Variants in CDS1 observed in about 807,000 individuals in gnomAD.
CDS1 encodes phosphatidate cytidylyltransferase 1.
A neutral mutation model predicts 62.1 loss-of-function variants in CDS1; 41 were observed. The ratio of observed to expected loss-of-function variants is 0.66; its 90% CI spans 0.51 to 0.86. The LOEUF is 0.86. Among genes scored for constraint, CDS1 ranks in the 40% least tolerant of loss-of-function variants. CDS1 has a pLI of 0.00. For synonymous variants in CDS1, 185 were observed against 192.6 expected (o/e 0.96, Z 0.32); for missense variants, 470 against 550.1 (o/e 0.85, Z 1.46).
At chr4:84,583,965 G>T (rs1210475150) in intron 1 of CDS1, among the ~76,000 whole-genome samples, 3 of 152,142 alleles carry the variant, frequency 2.0e-5, no homozygotes, top group African/African-American at 7.2e-5. Context: ...GGATCCTGAC[G>T]CGGGAGGCTT....
chr4:84,593,516 T>TC (rs1722655804), intron 1 of CDS1, among the ~76,000 whole-genome samples: 1 of 151,778 alleles, frequency 6.6e-6, no homozygotes, highest in Non-Finnish European at 1.5e-5. Flanking sequence ...GTTTTTTTTT[T>TC]CTCGTTTAGA....
intron 1 of CDS1, among the ~76,000 whole-genome samples, 170 bp from the exon 2 acceptor site, chr4:84,604,073 T>C (rs546843350): frequency 6.6e-6 from 1 of 152,354 alleles, no homozygotes; most frequent in South Asian, 2.1e-4. Context: ...ATAGTCAAAC[T>C]TTCCTAACAA....
chr4:84,606,574 C>G (rs973805214), intron 2 of CDS1, among the ~76,000 whole-genome samples: 1 of 152,108 alleles, frequency 6.6e-6, no homozygotes, highest in African/African-American at 2.4e-5. Context: ...TTAAAAATAC[C>G]TCTACATTAA....
At chr4:84,599,889 G>A (rs1055801125) in intron 1 of CDS1, among the ~76,000 whole-genome samples, 11 of 152,012 alleles carry the variant, frequency 7.2e-5, no homozygotes, top group African/African-American at 2.7e-4. Context: ...TTTATCTTGG[G>A]TAAATACCTA....
At chr4:84,588,661 A>C (rs370390992) in intron 1 of CDS1, among the ~76,000 whole-genome samples, 12 of 152,064 alleles carry the variant, frequency 7.9e-5, no homozygotes, top group African/African-American at 2.4e-4. Flanking sequence ...TGCTGAGTCC[A>C]TTTCTGGATG....
intron 1 of CDS1, among the ~76,000 whole-genome samples, chr4:84,593,312 C>T (rs894382112): frequency 4.6e-5 from 7 of 152,132 alleles, no homozygotes; most frequent in African/African-American, 7.2e-5. Flanking sequence ...ATCTGGGTGA[C>T]TTATCCCCTC....
chr4:84,648,998 A>C lies in CDS1; in HGVS notation c.*312A>C. 5.2e-6 allele frequency: 1 copy of C among 191,466 alleles called. No individual in the cohort carries two copies. Among genetic ancestry groups the C allele is most frequent in the Non-Finnish European group, 1.1e-5 (1 of 93,978 alleles). 11.9% of individuals were successfully genotyped at this position (191,466 alleles called of 1,614,324 possible). The stretch of plus-strand genomic sequence containing the variant: ...ATTTAAAAGAGTCAAACACTATAAA[A>C]TGAGTAAGTTGACGATGTTTTAAGA... On this transcript the variant is annotated 3_prime_UTR_variant, in exon 13 of 13. Coordinates refer to ENST00000295887, the MANE Select transcript of CDS1 (RefSeq NM_001263.4).
chr4:84,618,695 G>C (rs1003687113), intron 4 of CDS1, among the ~76,000 whole-genome samples: 1 of 152,148 alleles, frequency 6.6e-6, no homozygotes, highest in Non-Finnish European at 1.5e-5. Flanking sequence ...TGGATTGGTA[G>C]ACCAGGTTAG....
chr4:84,644,404 A>G (rs1724490282), intron 11 of CDS1, among the ~76,000 whole-genome samples: 1 of 152,214 alleles, frequency 6.6e-6, no homozygotes, highest in Non-Finnish European at 1.5e-5. Context: ...GCAAAAATTA[A>G]CCAAAGACTT....
chr4:84,648,882 A>C lies in CDS1; in HGVS notation c.*196A>C. Reference sequence around the variant, plus strand: ...GTTATGAAATAAGTAGCAAATTGCCAGCAAAATGTCTTGTACCTTTTCTAA... The same window carrying C: ...GTTATGAAATAAGTAGCAAATTGCCCGCAAAATGTCTTGTACCTTTTCTAA... On this transcript the variant is annotated 3_prime_UTR_variant, in exon 13 of 13. Transcript: ENST00000295887. 2.0e-6 allele frequency: 1 copy of C among 504,454 alleles called. No homozygotes were observed. Among genetic ancestry groups the C allele is most frequent in the East Asian group, 3.3e-5 (1 of 30,658 alleles). The allele number at this position is 504,454 out of a possible 1,614,324, so 31.2% of individuals were successfully genotyped here.
In CDS1 at chr4:84,643,037, T is replaced by C. The variant is rs933604046; in HGVS notation, c.1046T>C (p.Leu349Ser). 1.2e-6 allele frequency: 2 copies of C among 1,608,846 alleles called. No homozygotes were observed. Among genetic ancestry groups the C allele is most frequent in the Non-Finnish European group, 1.7e-6 (2 of 1,176,826 alleles). ...KAVLRQERVS[L>S]YPFQIHSIAL... ...TCTCCTCTTTAGGAAAGAGTGAGCT[T>C]GTACCCTTTCCAGATCCACAGCATT... Residue 349 changes from leucine (L) to serine (S), a missense_variant, in exon 11 of 13, where the codon TTG becomes TCG. Physicochemically the swap from Leu to Ser is moderately radical, Grantham distance 145. Coordinates refer to ENST00000295887, the MANE Select transcript of CDS1 (RefSeq NM_001263.4).
At chr4:84,613,427 G>A (rs1332396505) in intron 3 of CDS1, among the ~76,000 whole-genome samples, 2 of 152,068 alleles carry the variant, frequency 1.3e-5, no homozygotes, top group Non-Finnish European at 1.5e-5. Flanking sequence ...TGGCCAACAT[G>A]GTGAAACCCT....
At chr4:84,636,050 C>T (rs1245572701) in intron 8 of CDS1, among the ~76,000 whole-genome samples, 1 of 152,084 alleles carries the variant, frequency 6.6e-6, no homozygotes, top group African/African-American at 2.4e-5. Flanking sequence ...AGCCACCGCC[C>T]CTGGGCTCTG....
At position 84,609,457 on chromosome 4, in the gene CDS1, C is replaced by A; in HGVS notation, c.274C>A (p.Leu92Ile). The A allele has an allele frequency of 6.2e-7, 1 of 1,609,396 alleles. No individual in the cohort carries two copies. Among genetic ancestry groups the A allele is most frequent in the East Asian group, 2.2e-5 (1 of 44,776 alleles). The change falls in exon 3 of 13, where the codon CTC becomes ATC. Residue 92 changes from leucine (L) to isoleucine (I), a missense_variant. Transcript: ENST00000295887. ...RWKNWWIRGI[L>I]TLTMISLFFL... is the part of the protein sequence containing the mutation. ...GAAAAACTGGTGGATACGTGGAATT[C>A]TCACTCTAACTATGATCTCGTTGTT... is the stretch of plus-strand genomic sequence containing the variant.
intron 1 of CDS1, among the ~76,000 whole-genome samples, chr4:84,587,571 G>A (rs548581777): frequency 6.6e-6 from 1 of 152,264 alleles, no homozygotes; most frequent in African/African-American, 2.4e-5. Context: ...GAAGTGGGCT[G>A]GTGAAGATCT....
intron 5 of CDS1, among the ~76,000 whole-genome samples, chr4:84,623,210 A>G (rs1035849902): frequency 6.6e-6 from 1 of 152,116 alleles, no homozygotes; most frequent in East Asian, 1.9e-4. Context: ...CTTCCATCCC[A>G]GTCTTCCATC....
Position 84,650,820 on chromosome 4 carries a change from AC to A in CDS1, c.*2135del, listed in dbSNP as rs1414625389. On this transcript the variant is annotated 3_prime_UTR_variant, in exon 13 of 13. Transcript: ENST00000295887. ...AGCTCTCGATTGACCTTTTTAGCAT[AC>A]TTTTATAGCATGTATATTAAAATAG... 6.6e-6 allele frequency: 1 copy of A among 152,230 alleles called. No homozygotes were observed. Among genetic ancestry groups the A allele is most frequent in the African/African-American group, 2.4e-5 (1 of 41,462 alleles). 9.4% of individuals were successfully genotyped at this position (152,230 alleles called of 1,614,324 possible).
intron 10 of CDS1, among the ~76,000 whole-genome samples, chr4:84,641,881 A>G (rs970502369): frequency 5.3e-5 from 8 of 152,254 alleles, no homozygotes; most frequent in African/African-American, 1.9e-4. Context: ...TTTGAGGAGT[A>G]GCTTAACAAA....
intron 8 of CDS1, among the ~76,000 whole-genome samples, chr4:84,636,372 A>C (rs773585524): frequency 4.6e-5 from 7 of 152,214 alleles, no homozygotes; most frequent in Non-Finnish European, 8.8e-5. Context: ...GTTTTGCTAT[A>C]GAATTGGTTC....
Sources: gnomAD v4.1 joint callset for allele counts (sites outside exome capture counted in the v4.1 genomes callset) on GRCh38, gnomAD v4.1.1 for gene constraint, MANE v1.5 for transcripts, NCBI Gene and HGNC (gene_info 2026-07-23, HGNC 2026-07-21) for gene names.